Variants in FNIP1 observed in about 807,000 individuals in gnomAD.
FNIP1 encodes folliculin interacting protein 1, also known as folliculin-interacting protein 1.
Under a neutral mutation model 124.5 loss-of-function variants are expected in FNIP1, and 40 were observed. That is an observed-to-expected ratio of 0.32 (90% CI 0.25 to 0.42). The LOEUF (loss-of-function observed/expected upper bound fraction) is 0.42. FNIP1 is among the 10% of genes least tolerant of loss of function. The pLI, the probability that FNIP1 is intolerant of heterozygous loss-of-function variation, is 1.00. For missense variants in FNIP1, 1,176 were observed against 1,403.7 expected (o/e 0.84, Z 2.59); for synonymous variants, 472 against 470.6 (o/e 1.00, Z -0.04).
Position 131,677,673 on chromosome 5 carries a change from A to G in FNIP1, c.1519+30T>C, listed in dbSNP as rs764230262. 6.3e-6 allele frequency: 10 copies of G among 1,584,554 alleles called. No homozygotes were observed. In the East Asian group the frequency reaches 6.7e-5, roughly 11 times the overall value. On this transcript the variant is annotated intron_variant, in intron 13 of 17. Transcript: ENST00000510461. ...ACAGATAGCTACAAAAAAGTCTAAT[A>G]CATAGTGTAACAGTTGTCAGATTAC...
chr5:131,691,085 C>T (rs953435319), intron 11 of FNIP1, among the ~76,000 whole-genome samples: 1 of 152,110 alleles, frequency 6.6e-6, no homozygotes, highest in African/African-American at 2.4e-5. Flanking sequence ...GGAACATTTG[C>T]CAAAATGGAC....
chr5:131,734,467 A>G (rs183126757), intron 2 of FNIP1, among the ~76,000 whole-genome samples: 1 of 152,178 alleles, frequency 6.6e-6, no homozygotes, highest in South Asian at 2.1e-4. Context: ...AATGGGATCT[A>G]ATTAAACTAA....
Position 131,796,891 on chromosome 5 carries a change from T to A in FNIP1, c.31A>T (p.Ser11Cys). Residue 11 changes from serine to cysteine, a missense_variant, in exon 1 of 18, where the codon AGC becomes TGC. Physicochemically the swap from Ser to Cys is moderately radical, Grantham distance 112 (BLOSUM62 -1). This residue lies in a region of FNIP1 where 1,109 missense variants were observed against 1,288.5 expected (regional missense o/e 0.86). Transcript: ENST00000510461. ...GGCGCGCCCAGCCCGGTCCTCTTGC[T>A]GAAGAGCTTCTGGAACAGCGTAGGG... MAPTLFQKLF[S>C]KRTGLGAPGR... The A allele has an allele frequency of 1.2e-6, 2 of 1,609,212 alleles. No individual in the cohort carries two copies. The highest frequency in any genetic ancestry group is 1.7e-6 in the Non-Finnish European group (2 of 1,178,418).
intron 1 of FNIP1, among the ~76,000 whole-genome samples, chr5:131,756,726 T>TA (rs532953306): frequency 7.4e-4 from 113 of 152,266 alleles, no homozygotes; most frequent in South Asian, 6.2e-3. Flanking sequence ...TCATGTTTTA[T>TA]AAAAAGCAGC....
chr5:131,692,673 T>C (rs1000887916), intron 11 of FNIP1, among the ~76,000 whole-genome samples: 3 of 152,034 alleles, frequency 2.0e-5, no homozygotes, highest in African/African-American at 7.2e-5. Flanking sequence ...GATATAGTAA[T>C]TAAGATAGCA....
At chr5:131,670,205 A>C (rs558945469) in intron 15 of FNIP1, among the ~76,000 whole-genome samples, 1 of 152,218 alleles carries the variant, frequency 6.6e-6, no homozygotes, top group Non-Finnish European at 1.5e-5. Flanking sequence ...TTGATACTAT[A>C]AATAACCTAG....
chr5:131,783,289 T>C (rs1221848154), intron 1 of FNIP1, among the ~76,000 whole-genome samples: 2 of 151,544 alleles, frequency 1.3e-5, no homozygotes, highest in African/African-American at 4.9e-5. Flanking sequence ...GAAAAACAGA[T>C]CTGAAAAAAG....
At position 131,667,206 on chromosome 5, in the gene FNIP1, T is replaced by G. The variant is rs1236889955; in HGVS notation, c.3108+3257A>C. 2.6e-5 allele frequency among the ~76,000 whole-genome samples: 4 copies of G among 152,254 alleles called. No homozygotes were observed. The East Asian group carries it at 5.8e-4, about 22-fold the overall frequency. On this transcript the variant is annotated intron_variant, in intron 15 of 17. Transcript: ENST00000510461. ...TATTCATACACTTGGCCTTATTTTC[T>G]CTGTTGCTAAGTTAAAAACTTGAAG... is the stretch of plus-strand genomic sequence containing the variant.
chr5:131,693,314 AT>A (rs1768555461), intron 11 of FNIP1, among the ~76,000 whole-genome samples: 1 of 17,144 alleles, frequency 5.8e-5, no homozygotes, highest in Non-Finnish European at 1.6e-4. Context: ...ATATATATAT[AT>A]ACACATATAT....
chr5:131,654,649 C>G (rs955916565), intron 15 of FNIP1, among the ~76,000 whole-genome samples: 6 of 152,026 alleles, frequency 3.9e-5, no homozygotes, highest in African/African-American at 1.4e-4. Context: ...GGAGGGCAAT[C>G]GTGGGATCTG....
At position 131,779,213 on chromosome 5, in the gene FNIP1, T is replaced by C. The variant is rs186158827; in HGVS notation, c.92+17617A>G. Among the ~76,000 whole-genome samples, 722 of 144,920 alleles carry C rather than the reference T, an allele frequency of 5.0e-3. 4 individuals carry two copies. Among genetic ancestry groups the C allele is most frequent in the African/African-American group, 0.017 (685 of 39,214 alleles). ...AAATATGGAACATTCTATAGACAAATAAGTATGTGAACTCTGGGATCCTAT... is the reference window on the plus strand; with the variant it reads ...AAATATGGAACATTCTATAGACAAACAAGTATGTGAACTCTGGGATCCTAT... On this transcript the variant is annotated intron_variant, in intron 1 of 17. Transcript: ENST00000510461.
At chr5:131,661,713 G>A (rs1054260469) in intron 15 of FNIP1, among the ~76,000 whole-genome samples, 3 of 152,084 alleles carry the variant, frequency 2.0e-5, no homozygotes, top group Admixed American at 6.6e-5. Flanking sequence ...ACTATGGTGC[G>A]GTGAGCAACA....
chr5:131,646,638 G>A (rs1766890628), intron 17 of FNIP1, among the ~76,000 whole-genome samples: 1 of 152,058 alleles, frequency 6.6e-6, no homozygotes, highest in South Asian at 2.1e-4. Context: ...TTTGATAACT[G>A]TTTTCTGCCA....
In FNIP1 at chr5:131,704,531, T is replaced by C. The variant is rs188050377; in HGVS notation, c.915-265A>G. ...TAACTAAAGAAGTAGATAATCCCAATTCATAATCAACCAAAAAGTGGCTAA... is the reference window on the plus strand; with the variant it reads ...TAACTAAAGAAGTAGATAATCCCAACTCATAATCAACCAAAAAGTGGCTAA... On this transcript the variant is annotated intron_variant, in intron 9 of 17. Coordinates refer to ENST00000510461, the MANE Select transcript of FNIP1 (RefSeq NM_133372.3). Among the ~76,000 whole-genome samples the C allele has an allele frequency of 1.9e-3, 286 of 152,276 alleles. 1 individual carries two copies. Among genetic ancestry groups the C allele is most frequent in the African/African-American group, 5.9e-3 (245 of 41,566 alleles).
chr5:131,698,827 T>C lies in FNIP1; in HGVS notation c.1202+90A>G, dbSNP rs1361611209. The C allele has an allele frequency of 3.5e-6, 4 of 1,138,920 alleles. No individual in the cohort carries two copies. In the African/African-American group the frequency reaches 6.4e-5, roughly 18 times the overall value. 70.6% of individuals were successfully genotyped at this position (1,138,920 alleles called of 1,614,324 possible). Reference sequence around the variant, plus strand: ...ATCATATGACTATAGGACAAAGAAATCAAATTTTATTAGAACAAGTTAAAG... The same window carrying C: ...ATCATATGACTATAGGACAAAGAAACCAAATTTTATTAGAACAAGTTAAAG... On this transcript the variant is annotated intron_variant, in intron 11 of 17. Transcript: ENST00000510461.
At chr5:131,652,215 C>A (rs1247713479) in intron 15 of FNIP1, among the ~76,000 whole-genome samples, 1 of 152,216 alleles carries the variant, frequency 6.6e-6, no homozygotes, top group Non-Finnish European at 1.5e-5. Flanking sequence ...GTATTCATTA[C>A]AAGGACTTTG....
At chr5:131,683,943 A>G (rs983657240) in intron 11 of FNIP1, among the ~76,000 whole-genome samples, 3 of 152,200 alleles carry the variant, frequency 2.0e-5, no homozygotes, top group Non-Finnish European at 4.4e-5. Flanking sequence ...AGGATATCTT[A>G]TTTGATGCTG....
intron 1 of FNIP1, among the ~76,000 whole-genome samples, chr5:131,762,113 G>C (rs1771251250): frequency 6.6e-6 from 1 of 152,102 alleles, no homozygotes; most frequent in East Asian, 1.9e-4. Flanking sequence ...AATCAAAATG[G>C]ATTAAAGACT....
At chr5:131,647,303 G>T in intron 16 of FNIP1, 98 bp from the exon 17 acceptor site, 2 of 843,952 alleles carry the variant, frequency 2.4e-6, no homozygotes, top group South Asian at 1.5e-5. Flanking sequence ...AATTCTGTTT[G>T]TTTATTTCAA....
Sources: allele counts gnomAD v4.1 joint callset (sites outside exome capture counted in the v4.1 genomes callset), GRCh38; gene constraint gnomAD v4.1.1; regional missense constraint gnomAD v4.1.1; transcripts MANE v1.5; gene names NCBI Gene and HGNC (gene_info 2026-07-23, HGNC 2026-07-21).